The following GRIN2B variants were observed in gnomAD, a reference collection of about 807,000 sequenced individuals.
GRIN2B encodes glutamate ionotropic receptor NMDA type subunit 2B, also known as glutamate receptor ionotropic, NMDA 2B.
Under a neutral mutation model 114.5 loss-of-function variants are expected in GRIN2B, and 5 were observed. The ratio of observed to expected loss-of-function variants is 0.04; its 90% CI spans 0.02 to 0.09. The LOEUF is 0.09. GRIN2B is among the 10% of genes least tolerant of loss of function. The probability of loss-of-function intolerance (pLI) is 1.00; values close to 1 mark genes in which losing one functional copy is unlikely to be tolerated. For synonymous variants in GRIN2B, 787 were observed against 745.1 expected, an observed-to-expected ratio of 1.06 and a Z score of -0.92; for missense variants, 1,108 against 1,943.5, an observed-to-expected ratio of 0.57 and a Z score of 8.08.
At chr12:13,729,885 A>T (rs947560583) in intron 4 of GRIN2B, among the ~76,000 whole-genome samples, 7 of 151,936 alleles carry the variant, frequency 4.6e-5, no homozygotes, top group African/African-American at 1.7e-4. Flanking sequence ...ACACTGTTGG[A>T]AACATAAGAA....
intron 4 of GRIN2B, among the ~76,000 whole-genome samples, chr12:13,686,843 T>C (rs540035615): frequency 2.0e-5 from 3 of 152,300 alleles, no homozygotes; most frequent in East Asian, 3.9e-4. Flanking sequence ...AAACCTCATG[T>C]TGAAATTTGA....
Position 13,561,355 on chromosome 12 carries a change from C to T in GRIN2B, c.*1428G>A, listed in dbSNP as rs1429212431. 1 of 152,372 alleles carries T rather than the reference C, an allele frequency of 6.6e-6. No homozygotes were observed. Among genetic ancestry groups the T allele is most frequent in the Non-Finnish European group, 1.5e-5 (1 of 68,090 alleles). 9.4% of individuals were successfully genotyped at this position (152,372 alleles called of 1,614,324 possible). ...GAGGGTCCCTCTCTGCCCCCGTCTC[C>T]CATTTCCAAGTCTCTTCCCCTCTTT... On this transcript the variant is annotated 3_prime_UTR_variant, in exon 14 of 14. Transcript: ENST00000609686.
At chr12:13,912,696 A>G (rs1020459403) in intron 2 of GRIN2B, among the ~76,000 whole-genome samples, 1 of 152,138 alleles carries the variant, frequency 6.6e-6, no homozygotes, top group Non-Finnish European at 1.5e-5. Flanking sequence ...CTTTTTTTTC[A>G]GTATGACTAG....
At chr12:13,828,341 G>A (rs965409171) in intron 3 of GRIN2B, among the ~76,000 whole-genome samples, 1 of 152,154 alleles carries the variant, frequency 6.6e-6, no homozygotes, top group Non-Finnish European at 1.5e-5. Context: ...TGGCCCAGTG[G>A]GAATTCTGGG....
At chr12:13,962,163 C>T (rs1286669670) in intron 2 of GRIN2B, among the ~76,000 whole-genome samples, 2 of 149,586 alleles carry the variant, frequency 1.3e-5, no homozygotes, top group Non-Finnish European at 3.0e-5. Flanking sequence ...CGGCAGGGAG[C>T]ATGGCTTTGC....
At chr12:13,641,265 G>C (rs945543181) in intron 5 of GRIN2B, among the ~76,000 whole-genome samples, 1 of 151,904 alleles carries the variant, frequency 6.6e-6, no homozygotes, top group African/African-American at 2.4e-5. Flanking sequence ...AGAGATGGGG[G>C]TTTCACCACG....
At chr12:13,690,388 C>T (rs1950207100) in intron 4 of GRIN2B, among the ~76,000 whole-genome samples, 1 of 151,694 alleles carries the variant, frequency 6.6e-6, no homozygotes, top group Non-Finnish European at 1.5e-5. Context: ...CACACACACA[C>T]ACACACATGC....
chr12:13,966,226 G>GTATGAGGAAGACAGTATA lies in GRIN2B; in HGVS notation c.-19+13684_-19+13701dup, dbSNP rs569795599. On this transcript the variant is annotated intron_variant, in intron 2 of 13. Transcript: ENST00000609686. ...TGAGTTCTTGGGAAGACCAAATAATGTATGAGGAAGACAGTATATATGAGA... is the reference window on the plus strand; with the variant it reads ...TGAGTTCTTGGGAAGACCAAATAATGTATGAGGAAGACAGTATATATGAGGAAGACAGTATATATGAGA... Among the ~76,000 whole-genome samples, 36 of 152,306 alleles carry GTATGAGGAAGACAGTATA rather than the reference G, an allele frequency of 2.4e-4. 1 individual carries two copies. The South Asian group carries it at 7.3e-3, about 31-fold the overall frequency.
chr12:13,976,485 G>T (rs1406194513), intron 2 of GRIN2B, among the ~76,000 whole-genome samples: 1 of 152,144 alleles, frequency 6.6e-6, no homozygotes, highest in Non-Finnish European at 1.5e-5. Context: ...TACACAAGAT[G>T]AGTGGTTTTG....
At chr12:13,868,631 G>A (rs1025272641) in intron 2 of GRIN2B, among the ~76,000 whole-genome samples, 5 of 152,144 alleles carry the variant, frequency 3.3e-5, no homozygotes, top group African/African-American at 7.2e-5. Context: ...CCACTCTGCC[G>A]TGACAGTTTA....
chr12:13,843,262 CAAAT>C (rs920301296), intron 3 of GRIN2B, among the ~76,000 whole-genome samples: 5 of 151,698 alleles, frequency 3.3e-5, no homozygotes, highest in African/African-American at 9.7e-5. Flanking sequence ...GACACACACA[CAAAT>C]ACTCACTTTC....
At chr12:13,920,929 T>C (rs1371754339) in intron 2 of GRIN2B, among the ~76,000 whole-genome samples, 1 of 152,184 alleles carries the variant, frequency 6.6e-6, no homozygotes, top group Non-Finnish European at 1.5e-5. Flanking sequence ...GTCTGCCCCA[T>C]GGTTCTCAAG....
chr12:13,608,890 AC>A, intron 9 of GRIN2B, 58 bp from the exon 10 acceptor site: 1 of 1,218,266 alleles, frequency 8.2e-7, no homozygotes, highest in Non-Finnish European at 1.2e-6. Context: ...TTCTGTTGAA[AC>A]CTACAAATAC....
intron 2 of GRIN2B, among the ~76,000 whole-genome samples, chr12:13,947,100 T>C (rs1558906): frequency 0.059 from 8,992 of 152,226 alleles, 952 homozygotes; most frequent in East Asian, 0.42. Context: ...CATTAAGTCC[T>C]TTAAAATGAT....
intron 10 of GRIN2B, among the ~76,000 whole-genome samples, chr12:13,576,553 CTT>C (rs200101766): frequency 8.9e-5 from 12 of 135,346 alleles, no homozygotes; most frequent in Non-Finnish European, 3.2e-5. Context: ...TTTCTTTTTT[CTT>C]TTTTTTTTTG....
intron 3 of GRIN2B, among the ~76,000 whole-genome samples, chr12:13,781,333 T>C (rs1045299932): frequency 5.3e-5 from 8 of 152,252 alleles, no homozygotes; most frequent in African/African-American, 1.9e-4. Flanking sequence ...CACATGAGAA[T>C]GTTTGGCTTA....
chr12:13,849,794 C>T (rs1233603116), intron 3 of GRIN2B, among the ~76,000 whole-genome samples: 1 of 152,140 alleles, frequency 6.6e-6, no homozygotes, highest in African/African-American at 2.4e-5. Context: ...GAGCACACCT[C>T]GTGTGCTCTG....
At chr12:13,718,596 T>C (rs1287899672) in intron 4 of GRIN2B, among the ~76,000 whole-genome samples, 1 of 151,972 alleles carries the variant, frequency 6.6e-6, no homozygotes, top group Non-Finnish European at 1.5e-5. Flanking sequence ...CCTATGGAAC[T>C]GGAGGTGAAA....
At chr12:13,837,419 A>T (rs776883197) in intron 3 of GRIN2B, among the ~76,000 whole-genome samples, 6 of 152,182 alleles carry the variant, frequency 3.9e-5, no homozygotes, top group Non-Finnish European at 5.9e-5. Context: ...GGCATGCATA[A>T]AATATCTGTG....
Sources: gnomAD v4.1 joint callset for allele counts (sites outside exome capture counted in the v4.1 genomes callset) on GRCh38, gnomAD v4.1.1 for gene constraint, MANE v1.5 for transcripts, NCBI Gene and HGNC (gene_info 2026-07-23, HGNC 2026-07-21) for gene names.